Variants in PAPPA2 observed in about 807,000 individuals in gnomAD.
PAPPA2 encodes pappalysin 2, also known as pappalysin-2.
In PAPPA2, 86 loss-of-function variants were observed where a neutral mutation model predicts 176.4. That is an observed-to-expected ratio of 0.49 (90% CI 0.41 to 0.58). The LOEUF (loss-of-function observed/expected upper bound fraction) is 0.58. Among genes scored for constraint, PAPPA2 ranks in the 20% least tolerant of loss-of-function variants. PAPPA2 has a pLI of 0.00. For missense variants in PAPPA2, 2,073 were observed against 2,256.9 expected (o/e 0.92, Z 1.65); for synonymous variants, 809 against 852.2 (o/e 0.95, Z 0.88).
chr1:176,497,801 A>G (rs910340308), intron 1 of PAPPA2, among the ~76,000 whole-genome samples: 1 of 152,164 alleles, frequency 6.6e-6, no homozygotes, highest in Non-Finnish European at 1.5e-5. Context: ...GTTCATTATC[A>G]TGCATGTACT....
At chr1:176,788,960 A>G (rs574377886) in intron 17 of PAPPA2, among the ~76,000 whole-genome samples, 56 of 152,300 alleles carry the variant, frequency 3.7e-4, no homozygotes, top group Admixed American at 8.5e-4. Context: ...TTATATTGCC[A>G]TATCAACACT....
intron 21 of PAPPA2, among the ~76,000 whole-genome samples, chr1:176,829,289 G>GAA (rs113825507): frequency 0.016 from 2,349 of 145,044 alleles, 64 homozygotes; most frequent in African/African-American, 0.055. Context: ...AGAGAATGGG[G>GAA]AAAAAAAAAA....
intron 21 of PAPPA2, among the ~76,000 whole-genome samples, chr1:176,814,235 C>G (rs935028356): frequency 1.3e-5 from 2 of 152,050 alleles, no homozygotes; most frequent in African/African-American, 2.4e-5. Flanking sequence ...CAGCTTTGTT[C>G]TTTTTGTTTA....
At chr1:176,598,630 T>C (rs183561579) in intron 3 of PAPPA2, among the ~76,000 whole-genome samples, 184 of 152,304 alleles carry the variant, frequency 1.2e-3, no homozygotes, top group African/African-American at 4.3e-3. Context: ...TCAAATGCTT[T>C]ATTTTACCCA....
At chr1:176,791,297 C>A (rs768941913) in intron 18 of PAPPA2, 50 bp from the exon 19 acceptor site, 2 of 1,411,506 alleles carry the variant, frequency 1.4e-6, no homozygotes, top group Non-Finnish European at 1.9e-6. Flanking sequence ...TTTCAACTCT[C>A]AATAAAGTTA....
intron 1 of PAPPA2, among the ~76,000 whole-genome samples, chr1:176,504,313 C>A (rs1182730047): frequency 1.3e-5 from 2 of 152,052 alleles, no homozygotes; most frequent in African/African-American, 4.8e-5. Context: ...CATTTTCCTG[C>A]ATATTATTTC....
chr1:176,692,782 G>A (rs1424313647), intron 6 of PAPPA2, among the ~76,000 whole-genome samples: 1 of 152,152 alleles, frequency 6.6e-6, no homozygotes, highest in Non-Finnish European at 1.5e-5. Context: ...CCTGACTTAC[G>A]TAGGTGCTTC....
intron 1 of PAPPA2, among the ~76,000 whole-genome samples, chr1:176,466,722 C>T (rs1259515693): frequency 6.6e-6 from 1 of 152,078 alleles, no homozygotes; most frequent in East Asian, 1.9e-4. Context: ...GCTATGAACC[C>T]CACCTAGGGG....
chr1:176,510,810 TACACACACAC>T (rs200808228), intron 1 of PAPPA2, among the ~76,000 whole-genome samples: 48 of 126,490 alleles, frequency 3.8e-4, no homozygotes, highest in African/African-American at 9.5e-4. Flanking sequence ...AAGCAACACA[TACACACACAC>T]ACACACACAC....
Position 176,840,238 on chromosome 1 carries a change from A to C in PAPPA2, c.5268A>C (p.Gly1756=). The C allele has an allele frequency of 6.2e-7, 1 of 1,613,074 alleles. No homozygotes were observed. The highest frequency in any genetic ancestry group is 1.7e-4 in the Middle Eastern group (1 of 6,054). ...NNRAYCHYDG[G]DCCSSTLSSK... ...GAGCCTACTGCCACTATGACGGGGG[A>C]GACTGCTGCTCTTCCACACTCTCCT... Residue 1756 remains glycine, a synonymous_variant, in exon 22 of 23, where the codon GGA becomes GGC. Transcript: ENST00000367662.
chr1:176,820,040 G>T (rs1666593651), intron 21 of PAPPA2, among the ~76,000 whole-genome samples: 1 of 151,916 alleles, frequency 6.6e-6, no homozygotes, highest in East Asian at 1.9e-4. Flanking sequence ...CTCCATAGGG[G>T]GTACAAATCC....
chr1:176,767,050 T>C (rs1664002421), intron 15 of PAPPA2, among the ~76,000 whole-genome samples: 1 of 152,138 alleles, frequency 6.6e-6, no homozygotes, highest in Admixed American at 6.5e-5. Flanking sequence ...ACAGCTTTAA[T>C]ATACCTTGAG....
chr1:176,556,963 G>T lies in PAPPA2; in HGVS notation c.641G>T (p.Gly214Val), dbSNP rs766777308. Residue 214 changes from glycine to valine, a missense_variant, in exon 2 of 23, where the codon GGT (glycine) becomes GTT (valine). Around this residue, in one of 4 missense-constraint regions of PAPPA2, gnomAD observed 1,196 missense variants for 1,330.4 expected, o/e 0.90. Coordinates refer to ENST00000367662, the MANE Select transcript of PAPPA2 (RefSeq NM_020318.3). ...GCGGAAGATGGGCAGGGAGACTCCG[G>T]TATCTCTTCACATTTCCAACCTTGG... ...RRAEDGQGDS[G>V]ISSHFQPWPK... is the part of the protein sequence containing the mutation. 1.5e-5 allele frequency: 24 copies of T among 1,613,954 alleles called. No individual in the cohort carries two copies. In the African/African-American group the frequency reaches 2.8e-4, roughly 19 times the overall value.
chr1:176,682,381 G>C (rs529734025), intron 4 of PAPPA2, among the ~76,000 whole-genome samples: 1 of 152,178 alleles, frequency 6.6e-6, no homozygotes. Context: ...AGAGACTTGA[G>C]CATGGTTACA....
chr1:176,624,507 A>G (rs1041740630), intron 3 of PAPPA2, among the ~76,000 whole-genome samples: 27 of 152,214 alleles, frequency 1.8e-4, no homozygotes, highest in African/African-American at 6.0e-4. Context: ...TTGGTTAGCA[A>G]GGTACTTAAG....
intron 1 of PAPPA2, among the ~76,000 whole-genome samples, chr1:176,484,256 G>T (rs1652546190): frequency 6.6e-6 from 1 of 152,108 alleles, no homozygotes; most frequent in South Asian, 2.1e-4. Flanking sequence ...TCCCCCTCTG[G>T]ATTCTTTCAG....
At chr1:176,577,698 C>T (rs1201278024) in intron 2 of PAPPA2, among the ~76,000 whole-genome samples, 3 of 152,030 alleles carry the variant, frequency 2.0e-5, no homozygotes, top group Non-Finnish European at 2.9e-5. Context: ...TTATTCCCCT[C>T]ATGCTCTCTC....
At chr1:176,687,050 C>A (rs531600050) in intron 4 of PAPPA2, among the ~76,000 whole-genome samples, 10 of 152,222 alleles carry the variant, frequency 6.6e-5, no homozygotes, top group African/African-American at 2.4e-4. Flanking sequence ...GAAATTAGAG[C>A]AATATTTTGT....
intron 20 of PAPPA2, 24 bp downstream of exon 20, chr1:176,793,693 T>C (rs760970007): frequency 7.1e-5 from 109 of 1,536,634 alleles, no homozygotes; most frequent in Middle Eastern, 5.1e-4. Flanking sequence ...CATTGTTATG[T>C]GCCAAAGACA....
Sources: gnomAD v4.1 joint callset for allele counts (sites outside exome capture counted in the v4.1 genomes callset) on GRCh38, gnomAD v4.1.1 for gene constraint, gnomAD v4.1.1 regional missense constraint, MANE v1.5 for transcripts, NCBI Gene and HGNC (gene_info 2026-07-23, HGNC 2026-07-21) for gene names.